Variants in ZSWIM9 observed in about 807,000 individuals in gnomAD.
The protein encoded by ZSWIM9 is uncharacterized protein ZSWIM9.
A neutral mutation model predicts 25.0 loss-of-function variants in ZSWIM9; 11 were observed. The observed-to-expected ratio is 0.44, with a 90% CI of 0.28 to 0.73. The LOEUF (loss-of-function observed/expected upper bound fraction) is 0.73, where lower values mean the gene tolerates loss of function less well. Among genes scored for constraint, ZSWIM9 ranks in the 30% least tolerant of loss-of-function variants. ZSWIM9 has a pLI of 0.16. For synonymous variants in ZSWIM9, 562 were observed against 582.1 expected, an observed-to-expected ratio of 0.97 and a Z score of 0.50; for missense variants, 1,070 against 1,296.5, an observed-to-expected ratio of 0.83 and a Z score of 2.68.
intron 1 of ZSWIM9, chr19:48,171,211 C>T (rs1050872511): frequency 1.0e-5 from 10 of 985,224 alleles, no homozygotes; most frequent in Middle Eastern, 5.2e-4. Flanking sequence ...AACAGCTGCA[C>T]GCCAGAGGCA....
chr19:48,195,945 GA>G lies in ZSWIM9; in HGVS notation c.1882del (p.Arg628GlyfsTer13). ...RVRSLEGSPW[R>X]GAQLHDERAG... ...TCAGGAGTCTTGAAGGAAGCCCCTG[GA>G]GGGGGGCGCAGCTGCACGATGAAAG... On this transcript the variant is annotated frameshift_variant, in exon 4 of 4. Transcript: ENST00000614654. LOFTEE classifies it low-confidence loss of function (END_TRUNC). The surrounding 1 kb of genome is among the most constrained non-coding windows in gnomAD (Gnocchi z 5.8). 7.5e-7 allele frequency: 1 copy of G among 1,333,750 alleles called. No homozygotes were observed. The highest frequency in any genetic ancestry group is 9.6e-7 in the Non-Finnish European group (1 of 1,046,926). The allele number at this position is 1,333,750 out of a possible 1,614,324, so 82.6% of individuals were successfully genotyped here. A position where few individuals can be genotyped will look rare whatever the true frequency, so the allele number is the denominator to read the frequency against.
At chr19:48,181,463 G>A (rs567353882) in intron 2 of ZSWIM9, 9 of 152,134 alleles carry the variant, frequency 5.9e-5, no homozygotes, top group Non-Finnish European at 1.0e-4. Flanking sequence ...GCTGATTAGT[G>A]TTTTATTTTA....
In ZSWIM9 at chr19:48,195,294, C is replaced by T. The variant is rs1248742195; in HGVS notation, c.1230C>T (p.Arg410=). 4.6e-6 allele frequency: 7 copies of T among 1,530,040 alleles called. No individual in the cohort carries two copies. The East Asian group carries it at 1.7e-4, about 38-fold the overall frequency. 94.8% of individuals were successfully genotyped at this position (1,530,040 alleles called of 1,614,324 possible). The change falls in exon 4 of 4, where the codon CGC becomes CGT. Residue 410 remains arginine (R), a synonymous_variant. Coordinates refer to ENST00000614654, the MANE Select transcript of ZSWIM9 (RefSeq NM_199341.4). The surrounding 1 kb of genome is among the most constrained non-coding windows in gnomAD (Gnocchi z 5.8). ...CGTGTGCCCTGGTGCGAGGCCACCGCCGGCGACTGCTGCGTCGTCTCAGCC... is the reference window on the plus strand; with the variant it reads ...CGTGTGCCCTGGTGCGAGGCCACCGTCGGCGACTGCTGCGTCGTCTCAGCC... ...LDACALVRGH[R]RRLLRRLSPS...
Position 48,182,815 on chromosome 19 carries a change from G to C in ZSWIM9, c.588+48G>C, listed in dbSNP as rs2007182. 2.2e-6 allele frequency: 3 copies of C among 1,390,554 alleles called. No individual in the cohort carries two copies. Among genetic ancestry groups the C allele is most frequent in the Non-Finnish European group, 2.9e-6 (3 of 1,033,352 alleles). 86.1% of individuals were successfully genotyped at this position (1,390,554 alleles called of 1,614,324 possible). A position where few individuals can be genotyped will look rare whatever the true frequency, so the allele number is the denominator to read the frequency against. On this transcript the variant is annotated intron_variant, in intron 3 of 3. Coordinates refer to ENST00000614654, the MANE Select transcript of ZSWIM9 (RefSeq NM_199341.4). This position sits in a 1 kb window ranked among gnomAD's most constrained non-coding sequence, Gnocchi z 4.6. ...CCGGGGGAGGGGGCGGGGGAAAGCC[G>C]CGCTGAAGACTCGTGGGTCATTCAT...
chr19:48,187,559 A>G (rs10084142), intron 3 of ZSWIM9: 2 of 25,098 alleles, frequency 8.0e-5, no homozygotes, highest in African/African-American at 1.9e-4. Flanking sequence ...TATATATATT[A>G]TATATAATAT....
intron 2 of ZSWIM9, 101 bp downstream of exon 2, chr19:48,172,178 G>A: frequency 2.4e-6 from 3 of 1,238,462 alleles, no homozygotes; most frequent in East Asian, 2.6e-5. Flanking sequence ...GAGATGCAGA[G>A]GGGGAGAGGC....
chr19:48,188,680 C>T (rs556820393), intron 3 of ZSWIM9, among the ~76,000 whole-genome samples: 55 of 152,226 alleles, frequency 3.6e-4, no homozygotes, highest in Non-Finnish European at 6.3e-4. Context: ...CGTTCTCTTA[C>T]GTGTATGCTT....
At chr19:48,173,222 G>T (rs2036858591) in intron 2 of ZSWIM9, among the ~76,000 whole-genome samples, 1 of 152,212 alleles carries the variant, frequency 6.6e-6, no homozygotes, top group Admixed American at 6.5e-5. Flanking sequence ...GCAAAGAGGG[G>T]CAGGTGAGAA....
intron 3 of ZSWIM9, among the ~76,000 whole-genome samples, chr19:48,187,981 T>TAGACAGACAGACAGACAGAC (rs1271571462): frequency 9.6e-4 from 141 of 147,636 alleles, no homozygotes; most frequent in Middle Eastern, 3.5e-3. Context: ...GATAGATAGA[T>TAGACAGACAGACAGACAGAC]AGATAGACAG....
At chr19:48,187,228 G>A (rs577901877) in intron 3 of ZSWIM9, among the ~76,000 whole-genome samples, 9 of 144,736 alleles carry the variant, frequency 6.2e-5, no homozygotes, top group African/African-American at 1.8e-4. Context: ...TTAAAAAAAA[G>A]ATGTAATTGA....
At position 48,194,820 on chromosome 19, in the gene ZSWIM9, G is replaced by C. The variant is rs953720589; in HGVS notation, c.756G>C (p.Ser252=). The change falls in exon 4 of 4, where the codon TCG becomes TCC. Residue 252 remains serine (S), a synonymous_variant. Coordinates refer to ENST00000614654, the MANE Select transcript of ZSWIM9 (RefSeq NM_199341.4). The surrounding 1 kb of genome is among the most constrained non-coding windows in gnomAD (Gnocchi z 6.0). ...TGGCCGTGCTGTGCGTGGACGGCTC[G>C]GGCCGTGCGCGCCAGGCTGCCTGCT... The part of the protein sequence containing the change: ...DLLAVLCVDG[S]GRARQAACCV... 6.8e-7 allele frequency: 1 copy of C among 1,478,216 alleles called. No individual in the cohort carries two copies. The highest frequency in any genetic ancestry group is 1.5e-5 in the African/African-American group (1 of 68,404). 91.6% of individuals were successfully genotyped at this position (1,478,216 alleles called of 1,614,324 possible). A position where few individuals can be genotyped will look rare whatever the true frequency, so the allele number is the denominator to read the frequency against.
chr19:48,184,005 A>G (rs552804072), intron 3 of ZSWIM9, among the ~76,000 whole-genome samples: 1 of 151,662 alleles, frequency 6.6e-6, no homozygotes, highest in South Asian at 2.1e-4. Context: ...AATGATAAAT[A>G]CTTAGTTTGA....
intron 3 of ZSWIM9, among the ~76,000 whole-genome samples, chr19:48,188,710 G>A (rs1379915676): frequency 6.6e-6 from 1 of 152,078 alleles, no homozygotes; most frequent in Non-Finnish European, 1.5e-5. Context: ...AGAATGGCGA[G>A]CATTGATGCA....
Position 48,195,780 on chromosome 19 carries a change from G to A in ZSWIM9, c.1716G>A (p.Leu572=). Residue 572 remains leucine (L), a synonymous_variant, in exon 4 of 4, where the codon CTG becomes CTA. Coordinates refer to ENST00000614654, the MANE Select transcript of ZSWIM9 (RefSeq NM_199341.4). The surrounding 1 kb of genome is among the most constrained non-coding windows in gnomAD (Gnocchi z 5.8). ...TGGAGGGTGAGAAAGATTGGGGACT[G>A]GAAGGTTATGTCTGGAGGGGGTCCC... The part of the protein sequence containing the change: ...PQLEGEKDWG[L]EGYVWRGSQL... 1 of 1,499,942 alleles carries A rather than the reference G, an allele frequency of 6.7e-7. No individual in the cohort carries two copies. Among genetic ancestry groups the A allele is most frequent in the African/African-American group, 1.4e-5 (1 of 71,114 alleles). The allele number at this position is 1,499,942 out of a possible 1,614,324, so 92.9% of individuals were successfully genotyped here. A position where few individuals can be genotyped will look rare whatever the true frequency, so the allele number is the denominator to read the frequency against.
Position 48,196,203 on chromosome 19 carries a change from G to A in ZSWIM9, c.2139G>A (p.Glu713=). 1 of 1,236,490 alleles carries A rather than the reference G, an allele frequency of 8.1e-7. No homozygotes were observed. The highest frequency in any genetic ancestry group is 3.1e-4 in the Middle Eastern group (1 of 3,236). 76.6% of individuals were successfully genotyped at this position (1,236,490 alleles called of 1,614,324 possible). A position where few individuals can be genotyped will look rare whatever the true frequency, so the allele number is the denominator to read the frequency against. ...RVGVKRRRGL[E]DIVLVQLGDT... ...GGGTCAAAAGAAGAAGGGGCCTGGA[G>A]GATATAGTTCTGGTCCAGCTGGGAG... is the stretch of plus-strand genomic sequence containing the variant. Residue 713 remains glutamate, a synonymous_variant, in exon 4 of 4, where the codon GAG becomes GAA. Transcript: ENST00000614654.
rs1256842684 is a variant in ZSWIM9 at position 48,191,972 on chromosome 19, G to C, written c.589-2681G>C. The C allele has an allele frequency of 1.9e-5, 3 of 154,690 alleles. No individual in the cohort carries two copies. The Admixed American group carries it at 2.0e-4, about 10-fold the overall frequency. The allele number at this position is 154,690 out of a possible 1,614,324, so 9.6% of individuals were successfully genotyped here. ...AAGCAACTGAAGCCGTGTGTGCCTCGGTGTCCTCATCTGAAAAAGGGGAAT... is the reference window on the plus strand; with the variant it reads ...AAGCAACTGAAGCCGTGTGTGCCTCCGTGTCCTCATCTGAAAAAGGGGAAT... On this transcript the variant is annotated intron_variant, in intron 3 of 3. Coordinates refer to ENST00000614654, the MANE Select transcript of ZSWIM9 (RefSeq NM_199341.4).
At chr19:48,176,567 C>T (rs565553892) in intron 2 of ZSWIM9, among the ~76,000 whole-genome samples, 1 of 152,182 alleles carries the variant, frequency 6.6e-6, no homozygotes, top group Admixed American at 6.5e-5. Flanking sequence ...CTCTTTCTCT[C>T]TCCTTCCCTC....
In ZSWIM9 at chr19:48,182,753, G is replaced by T; in HGVS notation, c.574G>T (p.Asp192Tyr). 6.5e-7 allele frequency: 1 copy of T among 1,527,220 alleles called. No individual in the cohort carries two copies. The highest frequency in any genetic ancestry group is 1.2e-5 in the South Asian group (1 of 83,736). The allele number at this position is 1,527,220 out of a possible 1,614,324, so 94.6% of individuals were successfully genotyped here. A position where few individuals can be genotyped will look rare whatever the true frequency, so the allele number is the denominator to read the frequency against. ...LHVLEGLFRT[D>Y]PEAKVKLVFV... ...CGTGCTCGAGGGCCTCTTCCGCACC[G>T]ACCCCGAGGCCAAGGTGGGGTCTCG... The change falls in exon 3 of 4, where the codon GAC becomes TAC. Residue 192 changes from aspartate (D) to tyrosine (Y), a missense_variant. This residue lies in a region of ZSWIM9 where 265 missense variants were observed against 339.0 expected (regional missense o/e 0.78). Coordinates refer to ENST00000614654, the MANE Select transcript of ZSWIM9 (RefSeq NM_199341.4). The surrounding 1 kb of genome is among the most constrained non-coding windows in gnomAD (Gnocchi z 4.6).
chr19:48,175,906 G>A (rs998396487), intron 2 of ZSWIM9, among the ~76,000 whole-genome samples: 1 of 152,130 alleles, frequency 6.6e-6, no homozygotes, highest in African/African-American at 2.4e-5. Flanking sequence ...AAACCTGAAC[G>A]ATCAAGAATA....
Sources: allele counts gnomAD v4.1 joint callset (sites outside exome capture counted in the v4.1 genomes callset), GRCh38; gene constraint gnomAD v4.1.1; regional missense constraint gnomAD v4.1.1; non-coding constraint Gnocchi (gnomAD v3.1); transcripts MANE v1.5; gene names NCBI Gene and HGNC (gene_info 2026-07-23, HGNC 2026-07-21).